HECTD4: variants seen among roughly 807,000 people sequenced by gnomAD.
The protein encoded by HECTD4 is HECT domain E3 ubiquitin protein ligase 4.
In HECTD4, 114 loss-of-function variants were observed where a neutral mutation model predicts 471.5. The ratio of observed to expected loss-of-function variants is 0.24; its 90% CI spans 0.21 to 0.28. The LOEUF is 0.28. HECTD4 is among the 10% of genes least tolerant of loss of function. The pLI, the probability that HECTD4 is intolerant of heterozygous loss-of-function variation, is 1.00. For missense variants in HECTD4, 3,866 were observed against 5,651.5 expected, an observed-to-expected ratio of 0.68 and a Z score of 10.13; for synonymous variants, 2,012 against 2,256.0, an observed-to-expected ratio of 0.89 and a Z score of 3.07.
intron 7 of HECTD4, among the ~76,000 whole-genome samples, chr12:112,284,957 G>C (rs2034720461): frequency 6.6e-6 from 1 of 151,982 alleles, no homozygotes; most frequent in South Asian, 2.1e-4. Context: ...CCAGCCTCTC[G>C]AGTAGCTGGG....
chr12:112,227,228 C>T lies in HECTD4; in HGVS notation c.6855-470G>A, dbSNP rs951954542. Reference sequence around the variant, plus strand: ...TAATCCCAGCAATTTGGGAGACCAACGCAGGTGGATCACCAGAGGTCAGGA... The same window carrying T: ...TAATCCCAGCAATTTGGGAGACCAATGCAGGTGGATCACCAGAGGTCAGGA... On this transcript the variant is annotated intron_variant, in intron 43 of 75. Coordinates refer to ENST00000682272, the MANE Select transcript of HECTD4 (RefSeq NM_001388303.1). Among the ~76,000 whole-genome samples, 8 of 152,190 alleles carry T rather than the reference C, an allele frequency of 5.3e-5. No individual in the cohort carries two copies. The East Asian group carries it at 5.8e-4, about 11-fold the overall frequency.
At chr12:112,336,252 G>A (rs1262384358) in intron 1 of HECTD4, among the ~76,000 whole-genome samples, 1 of 152,098 alleles carries the variant, frequency 6.6e-6, no homozygotes, top group Non-Finnish European at 1.5e-5. Flanking sequence ...GGCCGGGCGC[G>A]GTGGCTCATG....
chr12:112,185,622 T>TA lies in HECTD4; in HGVS notation c.9473-130dup, dbSNP rs2137029537. 4.7e-6 allele frequency: 3 copies of TA among 631,694 alleles called. No individual in the cohort carries two copies. The East Asian group carries it at 9.2e-5, about 19-fold the overall frequency. 39.1% of individuals were successfully genotyped at this position (631,694 alleles called of 1,614,324 possible). On this transcript the variant is annotated intron_variant, in intron 60 of 75. Coordinates refer to ENST00000682272, the MANE Select transcript of HECTD4 (RefSeq NM_001388303.1). Reference sequence around the variant, plus strand: ...CTGACTGCGCAATTCAGTCCCTTCTTACAGATGGAGAAACAGAGGTTGGGA... The same window carrying TA: ...CTGACTGCGCAATTCAGTCCCTTCTTAACAGATGGAGAAACAGAGGTTGGGA...
rs768086284 is a variant in HECTD4, at chr12:112,192,763, G to A, written c.9089C>T (p.Ser3030Phe). ...TGCCCACGGTGCCTTGTACAGAGAG[G>A]AGCTGAGAAGGAGGGATGGGTGGGT... ...KESQSGFRKD[S>F]SLYKAPWARV... Residue 3030 changes from serine to phenylalanine, a missense_variant and splice_region_variant, in exon 59 of 76, where the codon TCC (serine) becomes TTC (phenylalanine). Around this residue, in one of 16 missense-constraint regions of HECTD4, gnomAD observed 364 missense variants for 413.2 expected, o/e 0.88. Coordinates refer to ENST00000682272, the MANE Select transcript of HECTD4 (RefSeq NM_001388303.1). 1 of 1,577,054 alleles carries A rather than the reference G, an allele frequency of 6.3e-7. No individual in the cohort carries two copies. Among genetic ancestry groups the A allele is most frequent in the Non-Finnish European group, 8.6e-7 (1 of 1,161,518 alleles).
Position 112,163,848 on chromosome 12 carries a change from G to A in HECTD4, c.12702-111C>T, listed in dbSNP as rs2030810811. 9.7e-7 allele frequency: 1 copy of A among 1,032,962 alleles called. No homozygotes were observed. The highest frequency in any genetic ancestry group is 2.1e-5 in the South Asian group (1 of 47,870). The allele number at this position is 1,032,962 out of a possible 1,614,324, so 64.0% of individuals were successfully genotyped here. A position where few individuals can be genotyped will look rare whatever the true frequency, so the allele number is the denominator to read the frequency against. ...GATCCTCTCTTGGGAGAGGCCTGGG[G>A]CCCAGCCGCCCTGGTCATCCCAGTC... On this transcript the variant is annotated intron_variant, in intron 73 of 75. Coordinates refer to ENST00000682272, the MANE Select transcript of HECTD4 (RefSeq NM_001388303.1). The surrounding 1 kb of genome is among the most constrained non-coding windows in gnomAD (Gnocchi z 8.2).
rs1436792560 is a variant in HECTD4, at chr12:112,194,189, A to G, written c.8750-515T>C. Among the ~76,000 whole-genome samples, 1 of 152,242 alleles carries G rather than the reference A, an allele frequency of 6.6e-6. No homozygotes were observed. Among genetic ancestry groups the G allele is most frequent in the Admixed American group, 6.5e-5 (1 of 15,280 alleles). ...ATGGACCAGTAGCGATGTAGTGCACACATACCCTGGCTGGGTGGGACCCCA... is the reference window on the plus strand; with the variant it reads ...ATGGACCAGTAGCGATGTAGTGCACGCATACCCTGGCTGGGTGGGACCCCA... On this transcript the variant is annotated intron_variant, in intron 56 of 75. Transcript: ENST00000682272. The surrounding 1 kb of genome is among the most constrained non-coding windows in gnomAD (Gnocchi z 4.6).
At chr12:112,172,210 C>T (rs750749809) in intron 67 of HECTD4, among the ~76,000 whole-genome samples, 50 of 152,320 alleles carry the variant, frequency 3.3e-4, no homozygotes, top group Non-Finnish European at 6.5e-4. Context: ...GCCCAGAGAA[C>T]GGCTTTCTCT....
chr12:112,264,045 T>G (rs1481302539), intron 17 of HECTD4, 39 bp downstream of exon 17: 1 of 1,504,058 alleles, frequency 6.6e-7, no homozygotes, highest in African/African-American at 1.4e-5. Flanking sequence ...CTTTTCACAC[T>G]GGGTAGAACG....
At chr12:112,234,299 T>C (rs1444515368) in intron 37 of HECTD4, among the ~76,000 whole-genome samples, 1 of 152,210 alleles carries the variant, frequency 6.6e-6, no homozygotes, top group Non-Finnish European at 1.5e-5. Flanking sequence ...TGCATTGCAA[T>C]GTCCAGGAAT....
chr12:112,174,063 C>T (rs184419680), intron 66 of HECTD4, among the ~76,000 whole-genome samples: 2 of 151,902 alleles, frequency 1.3e-5, no homozygotes, highest in Non-Finnish European at 2.9e-5. Flanking sequence ...CCACAACCCC[C>T]GCCTCCCAGG....
chr12:112,253,693 T>A (rs1333591913), intron 22 of HECTD4, among the ~76,000 whole-genome samples: 2 of 152,228 alleles, frequency 1.3e-5, no homozygotes, highest in African/African-American at 4.8e-5. Context: ...CTCAATACTT[T>A]TACACTGCAA....
intron 54 of HECTD4, among the ~76,000 whole-genome samples, chr12:112,202,631 A>G (rs1171176477): frequency 6.6e-6 from 1 of 152,238 alleles, no homozygotes; most frequent in Non-Finnish European, 1.5e-5. Flanking sequence ...ATATTTTATC[A>G]GAGACTCTCA....
intron 1 of HECTD4, among the ~76,000 whole-genome samples, chr12:112,361,112 C>A (rs558759151): frequency 6.6e-6 from 1 of 152,028 alleles, no homozygotes; most frequent in African/African-American, 2.4e-5. Flanking sequence ...CGACAATACA[C>A]GATTTTAGAA....
chr12:112,208,438 A>C, intron 51 of HECTD4, 56 bp downstream of exon 51: 2 of 1,481,774 alleles, frequency 1.3e-6, no homozygotes, highest in South Asian at 3.0e-5. Flanking sequence ...TGTCCTAGTC[A>C]CTAGGGAGCT....
At chr12:112,317,410 A>G (rs1286387310) in intron 2 of HECTD4, among the ~76,000 whole-genome samples, 1 of 152,218 alleles carries the variant, frequency 6.6e-6, no homozygotes, top group Admixed American at 6.5e-5. Flanking sequence ...CTATACAGAG[A>G]AAAACAGGGC....
chr12:112,248,244 T>A (rs2033804431), intron 26 of HECTD4, 73 bp from the exon 27 acceptor site: 3 of 1,521,914 alleles, frequency 2.0e-6, no homozygotes, highest in Non-Finnish European at 2.7e-6. Flanking sequence ...ATAGTAATTT[T>A]AAAAATTAGA....
chr12:112,197,224 T>C (rs748268636), intron 55 of HECTD4, among the ~76,000 whole-genome samples: 4 of 152,230 alleles, frequency 2.6e-5, no homozygotes, highest in Non-Finnish European at 5.9e-5. Flanking sequence ...GAGCTTGTTT[T>C]GGGTCTGACC....
intron 64 of HECTD4, among the ~76,000 whole-genome samples, 175 bp downstream of exon 64, chr12:112,178,756 C>T (rs1192267224): frequency 5.9e-5 from 9 of 152,202 alleles, no homozygotes; most frequent in East Asian, 1.9e-4. Context: ...CGCTTGAGCC[C>T]GGCTGCAGTG....
chr12:112,210,188 C>A lies in HECTD4; in HGVS notation c.7694G>T (p.Arg2565Leu). ...PFAYAEGQAH[R>L]NAADLCTDLA... ...GTCAGTGCACAGGTCAGCAGCATTG[C>A]GGTGGGCCTGCCCTTCCGCGTAGGC... Residue 2565 changes from arginine to leucine, a missense_variant, in exon 50 of 76, where the codon CGC becomes CTC. By Grantham distance (102) the Arg-to-Leu change is moderately radical. This residue lies in a region of HECTD4 where 617 missense variants were observed against 915.1 expected (regional missense o/e 0.67). Coordinates refer to ENST00000682272, the MANE Select transcript of HECTD4 (RefSeq NM_001388303.1). 2 of 1,612,820 alleles carry A rather than the reference C, an allele frequency of 1.2e-6. No individual in the cohort carries two copies. Among genetic ancestry groups the A allele is most frequent in the Non-Finnish European group, 1.7e-6 (2 of 1,179,430 alleles).
Sources: gnomAD v4.1 joint callset for allele counts (sites outside exome capture counted in the v4.1 genomes callset) on GRCh38, gnomAD v4.1.1 for gene constraint, gnomAD v4.1.1 regional missense constraint, Gnocchi (gnomAD v3.1) non-coding constraint, MANE v1.5 for transcripts, NCBI Gene and HGNC (gene_info 2026-07-23, HGNC 2026-07-21) for gene names.